ESRRG: variants seen among roughly 807,000 people sequenced by gnomAD.
ESRRG encodes the protein estrogen-related receptor gamma.
ESRRG carries 13 observed loss-of-function variants against 44.0 expected under a neutral mutation model. The observed-to-expected ratio is 0.30, with a 90% CI of 0.19 to 0.47. The LOEUF (loss-of-function observed/expected upper bound fraction) is 0.47, where lower values mean the gene tolerates loss of function less well. Among genes scored for constraint, ESRRG ranks in the 20% least tolerant of loss-of-function variants. The probability of loss-of-function intolerance (pLI) is 1.00; values close to 1 mark genes in which losing one functional copy is unlikely to be tolerated. For synonymous variants in ESRRG, 215 were observed against 214.6 expected (o/e 1.00, Z -0.02); for missense variants, 395 against 580.6 (o/e 0.68, Z 3.29).
intron 2 of ESRRG, among the ~76,000 whole-genome samples, chr1:216,933,945 G>T (rs1423092349): frequency 6.6e-6 from 1 of 152,078 alleles, no homozygotes; most frequent in Non-Finnish European, 1.5e-5. Context: ...CTTCTTGCAG[G>T]ATGTCAGCAC....
At chr1:217,037,106 C>T (rs921726940) in intron 1 of ESRRG, among the ~76,000 whole-genome samples, 1 of 152,172 alleles carries the variant, frequency 6.6e-6, no homozygotes, top group Non-Finnish European at 1.5e-5. Context: ...TCCCTGATAA[C>T]AAATATTCAG....
At chr1:216,551,955 A>G (rs951174044) in intron 5 of ESRRG, among the ~76,000 whole-genome samples, 1 of 152,108 alleles carries the variant, frequency 6.6e-6, no homozygotes, top group Non-Finnish European at 1.5e-5. Flanking sequence ...AACCTCAGTC[A>G]GTCTCTCTAC....
intron 5 of ESRRG, among the ~76,000 whole-genome samples, chr1:216,555,956 G>A (rs1418675992): frequency 6.6e-6 from 1 of 152,094 alleles, no homozygotes; most frequent in Non-Finnish European, 1.5e-5. Context: ...TGGGATTAGG[G>A]TTGGAGAGAG....
chr1:216,957,975 C>T (rs577135112), intron 1 of ESRRG, among the ~76,000 whole-genome samples: 1 of 152,134 alleles, frequency 6.6e-6, no homozygotes, highest in East Asian at 1.9e-4. Flanking sequence ...GTTCTGATTC[C>T]TGCTATGAAA....
chr1:216,899,704 C>T (rs1290708549), intron 2 of ESRRG, among the ~76,000 whole-genome samples: 1 of 152,124 alleles, frequency 6.6e-6, no homozygotes, highest in Non-Finnish European at 1.5e-5. Context: ...TCTCACACGG[C>T]ACATACAGAA....
intron 3 of ESRRG, among the ~76,000 whole-genome samples, chr1:216,641,425 T>A (rs1257544372): frequency 6.6e-6 from 1 of 152,210 alleles, no homozygotes; most frequent in Non-Finnish European, 1.5e-5. Flanking sequence ...CATTAGAACT[T>A]CAATTTTCCC....
At chr1:217,024,322 C>T (rs971387076) in intron 1 of ESRRG, among the ~76,000 whole-genome samples, 1 of 151,310 alleles carries the variant, frequency 6.6e-6, no homozygotes, top group African/African-American at 2.4e-5. Context: ...TGCACCACTG[C>T]ACTCCAGCCT....
chr1:216,848,224 A>G (rs538513656), intron 2 of ESRRG, among the ~76,000 whole-genome samples: 1 of 152,228 alleles, frequency 6.6e-6, no homozygotes, highest in South Asian at 2.1e-4. Flanking sequence ...GCACTTGCCC[A>G]TCTCCTCTGT....
At chr1:216,639,293 G>A (rs1242375738) in intron 3 of ESRRG, among the ~76,000 whole-genome samples, 2 of 152,152 alleles carry the variant, frequency 1.3e-5, no homozygotes, top group Non-Finnish European at 1.5e-5. Context: ...CAAACTTAAT[G>A]GGGTGGAGAG....
At chr1:216,518,902 A>G (rs2045213412) in intron 6 of ESRRG, among the ~76,000 whole-genome samples, 1 of 152,190 alleles carries the variant, frequency 6.6e-6, no homozygotes, top group South Asian at 2.1e-4. Flanking sequence ...CTTTGCCATG[A>G]TCCAAATTAG....
intron 3 of ESRRG, among the ~76,000 whole-genome samples, chr1:216,598,971 AAAT>A (rs2058816340): frequency 6.6e-6 from 1 of 152,200 alleles, no homozygotes; most frequent in African/African-American, 2.4e-5. Context: ...TCAATATTTA[AAAT>A]AATATGTTAT....
intron 2 of ESRRG, among the ~76,000 whole-genome samples, chr1:216,893,049 T>A (rs2058008827): frequency 6.6e-6 from 1 of 152,204 alleles, no homozygotes; most frequent in South Asian, 2.1e-4. Flanking sequence ...TAAGCTACCC[T>A]TCCAAACTTA....
At chr1:216,536,710 T>C (rs2051074983) in intron 5 of ESRRG, among the ~76,000 whole-genome samples, 1 of 152,116 alleles carries the variant, frequency 6.6e-6, no homozygotes, top group Admixed American at 6.6e-5. Context: ...TTATTACTAT[T>C]AAAATTTGTA....
chr1:216,678,216 A>G (rs1220347485), intron 1 of ESRRG, among the ~76,000 whole-genome samples: 2 of 152,234 alleles, frequency 1.3e-5, no homozygotes, highest in Non-Finnish European at 2.9e-5. Flanking sequence ...GATTATTCCT[A>G]GAGCCTGCAA....
intron 2 of ESRRG, among the ~76,000 whole-genome samples, chr1:216,788,343 C>T (rs2094200719): frequency 6.6e-6 from 1 of 152,118 alleles, no homozygotes. Context: ...TGCTCATGTA[C>T]CTTTCTGAAA....
chr1:217,077,990 A>G (rs1036517403), intron 1 of ESRRG: 8 of 152,374 alleles, frequency 5.3e-5, no homozygotes, highest in East Asian at 1.9e-4. Context: ...ATCAGAAGCT[A>G]GAATTGATTT....
intron 4 of ESRRG, 155 bp from the exon 5 acceptor site, chr1:216,564,535 G>T (rs529104846): frequency 1.4e-4 from 69 of 480,158 alleles, no homozygotes; most frequent in African/African-American, 1.3e-3. Context: ...ATTAAACGGT[G>T]TGCAGGAAAA....
In ESRRG at chr1:216,743,928, C is replaced by T. The variant is rs374891553; in HGVS notation, c.-13-66437G>A. Among the ~76,000 whole-genome samples the T allele has an allele frequency of 7.2e-5, 11 of 152,280 alleles. No individual in the cohort carries two copies. The East Asian group carries it at 9.6e-4, about 13-fold the overall frequency. ...GCAGAAATAATTCTAATCCTGCTTA[C>T]GGAAACTTTTGCTCTTAATCATTAT... On this transcript the variant is annotated intron_variant, in intron 2 of 7. Transcript: ENST00000359162.
intron 1 of ESRRG, among the ~76,000 whole-genome samples, chr1:217,123,290 A>T (rs890100445): frequency 6.6e-6 from 1 of 152,032 alleles, no homozygotes; most frequent in African/African-American, 2.4e-5. Flanking sequence ...CTGCCTTGTC[A>T]TTCTCCTCCC....
Sources: allele counts gnomAD v4.1 joint callset (sites outside exome capture counted in the v4.1 genomes callset), GRCh38; gene constraint gnomAD v4.1.1; transcripts MANE v1.5; gene names NCBI Gene and HGNC (gene_info 2026-07-23, HGNC 2026-07-21).